Variants in GLRB observed in about 807,000 individuals in gnomAD.
The protein encoded by GLRB is glycine receptor beta.
A neutral mutation model predicts 54.2 loss-of-function variants in GLRB; 33 were observed. The ratio of observed to expected loss-of-function variants is 0.61; its 90% CI spans 0.46 to 0.81. The LOEUF (loss-of-function observed/expected upper bound fraction) is 0.81. Ranked by LOEUF, GLRB falls within the 40% of genes least tolerant of loss-of-function variation. The pLI is 0.00. For synonymous variants in GLRB, 209 were observed against 208.2 expected, an observed-to-expected ratio of 1.00 and a Z score of -0.03; for missense variants, 572 against 584.6, an observed-to-expected ratio of 0.98 and a Z score of 0.22.
chr4:157,082,982 A>ATATG (rs1734279180), intron 2 of GLRB, among the ~76,000 whole-genome samples: 1 of 148,990 alleles, frequency 6.7e-6, no homozygotes, highest in African/African-American at 2.4e-5. Context: ...ATATATATAT[A>ATATG]TATATATACA....
chr4:157,120,321 C>T (rs1394957096), intron 2 of GLRB, among the ~76,000 whole-genome samples: 2 of 150,282 alleles, frequency 1.3e-5, no homozygotes, highest in African/African-American at 2.4e-5. Flanking sequence ...CAGCATGGCA[C>T]ATGTATACAT....
At position 157,135,617 on chromosome 4, in the gene GLRB, C is replaced by T. The variant is rs187152419; in HGVS notation, c.298-852C>T. ...TGTCATGACTGTGAGGCCTCCCATG[C>T]CATTTGAACTGTGAGTCAATTAAAC... is the stretch of plus-strand genomic sequence containing the variant. On this transcript the variant is annotated intron_variant, in intron 4 of 9. Transcript: ENST00000264428. Among the ~76,000 whole-genome samples the T allele has an allele frequency of 4.7e-4, 72 of 152,190 alleles. No homozygotes were observed. The East Asian group carries it at 8.9e-3, about 19-fold the overall frequency.
intron 2 of GLRB, among the ~76,000 whole-genome samples, chr4:157,119,083 G>T (rs4585359): frequency 0.15 from 23,091 of 151,526 alleles, 1,938 homozygotes; most frequent in African/African-American, 0.23. Flanking sequence ...CACCAATTTT[G>T]TCACTTATCA....
At chr4:157,111,787 A>G (rs1735428801) in intron 2 of GLRB, among the ~76,000 whole-genome samples, 1 of 151,898 alleles carries the variant, frequency 6.6e-6, no homozygotes, top group Non-Finnish European at 1.5e-5. Flanking sequence ...TTCACCTACT[A>G]CTTACTATAC....
intron 4 of GLRB, among the ~76,000 whole-genome samples, chr4:157,123,013 T>G (rs1333204147): frequency 6.6e-6 from 1 of 151,760 alleles, no homozygotes; most frequent in Non-Finnish European, 1.5e-5. Flanking sequence ...GAGGTTTGGC[T>G]GTTGTCCATG....
chr4:157,077,707 A>G (rs974183368), intron 1 of GLRB, among the ~76,000 whole-genome samples: 4 of 151,326 alleles, frequency 2.6e-5, no homozygotes, highest in Admixed American at 6.6e-5. Flanking sequence ...TTGTGTAGCT[A>G]TAGAATCAGA....
At chr4:157,164,252 T>C (rs1261123954) in intron 9 of GLRB, among the ~76,000 whole-genome samples, 1 of 152,168 alleles carries the variant, frequency 6.6e-6, no homozygotes, top group East Asian at 1.9e-4. Context: ...AGAACTGGTA[T>C]TGAAAGCATA....
intron 4 of GLRB, among the ~76,000 whole-genome samples, chr4:157,133,616 A>G (rs2126559849): frequency 6.6e-6 from 1 of 152,056 alleles, no homozygotes; most frequent in African/African-American, 2.4e-5. Flanking sequence ...TATGTCATTA[A>G]TAAATAATTT....
At chr4:157,114,474 G>A (rs1011783740) in intron 2 of GLRB, among the ~76,000 whole-genome samples, 1 of 151,246 alleles carries the variant, frequency 6.6e-6, no homozygotes, top group Non-Finnish European at 1.5e-5. Flanking sequence ...CTTTAGTATG[G>A]TGCTTTTATT....
At chr4:157,125,606 C>T (rs758724262) in intron 4 of GLRB, among the ~76,000 whole-genome samples, 1 of 151,652 alleles carries the variant, frequency 6.6e-6, no homozygotes, top group Non-Finnish European at 1.5e-5. Flanking sequence ...TTACTAGCCT[C>T]CTAGAAATCT....
intron 2 of GLRB, among the ~76,000 whole-genome samples, chr4:157,110,683 T>C (rs1560947859): frequency 6.6e-6 from 1 of 152,076 alleles, no homozygotes; most frequent in Non-Finnish European, 1.5e-5. Flanking sequence ...CCTGTTTCTT[T>C]ATTTTTCTTG....
intron 2 of GLRB, among the ~76,000 whole-genome samples, chr4:157,089,687 C>T (rs913004396): frequency 2.0e-5 from 3 of 152,128 alleles, no homozygotes; most frequent in African/African-American, 7.2e-5. Context: ...GTTCTTTTAG[C>T]TTCTTGCTTA....
chr4:157,164,949 A>G (rs1737655041), intron 9 of GLRB, among the ~76,000 whole-genome samples: 1 of 152,184 alleles, frequency 6.6e-6, no homozygotes, highest in Admixed American at 6.5e-5. Context: ...TTAATTCTCT[A>G]TGTTTTTAAC....
At chr4:157,119,155 C>A (rs567520965) in intron 2 of GLRB, among the ~76,000 whole-genome samples, 3 of 151,510 alleles carry the variant, frequency 2.0e-5, no homozygotes, top group Admixed American at 6.6e-5. Context: ...ATAAAGAGTT[C>A]ATGACAAATA....
At chr4:157,109,444 C>G (rs979670331) in intron 2 of GLRB, among the ~76,000 whole-genome samples, 4 of 151,842 alleles carry the variant, frequency 2.6e-5, no homozygotes, top group African/African-American at 9.7e-5. Context: ...GTAGGAAAAG[C>G]CTAAGTGTGT....
chr4:157,147,546 T>G (rs539925357), intron 8 of GLRB, among the ~76,000 whole-genome samples: 12 of 152,042 alleles, frequency 7.9e-5, no homozygotes, highest in Non-Finnish European at 7.4e-5. Context: ...AGAAAATAGC[T>G]AGGGTAAGAA....
At chr4:157,084,076 T>A (rs1734321567) in intron 2 of GLRB, among the ~76,000 whole-genome samples, 1 of 152,196 alleles carries the variant, frequency 6.6e-6, no homozygotes, top group South Asian at 2.1e-4. Context: ...CAGATTTTTT[T>A]ATTGAATAAC....
At chr4:157,094,861 C>T (rs1734746473) in intron 2 of GLRB, among the ~76,000 whole-genome samples, 1 of 151,952 alleles carries the variant, frequency 6.6e-6, no homozygotes, top group South Asian at 2.1e-4. Context: ...CTAGTGTATA[C>T]AGTACTCAAC....
chr4:157,084,487 T>C (rs1262621869), intron 2 of GLRB, among the ~76,000 whole-genome samples: 1 of 152,212 alleles, frequency 6.6e-6, no homozygotes, highest in Admixed American at 6.5e-5. Context: ...TATCTTTCCT[T>C]CAAGCTGTTG....
Sources: allele counts gnomAD v4.1 joint callset (sites outside exome capture counted in the v4.1 genomes callset), GRCh38; gene constraint gnomAD v4.1.1; transcripts MANE v1.5; gene names NCBI Gene and HGNC (gene_info 2026-07-23, HGNC 2026-07-21).